Variants in CFAP299 observed in about 807,000 individuals in gnomAD.
CFAP299 encodes the protein cilia- and flagella-associated protein 299.
Under a neutral mutation model 27.0 loss-of-function variants are expected in CFAP299, and 21 were observed. The observed-to-expected ratio is 0.78, with a 90% CI of 0.55 to 1.12. The LOEUF is 1.12. Among genes scored for constraint, CFAP299 ranks in the 50% most tolerant of loss-of-function variants. The probability of loss-of-function intolerance (pLI) is 0.00; values close to 1 mark genes in which losing one functional copy is unlikely to be tolerated. For missense variants in CFAP299, 310 were observed against 276.6 expected (o/e 1.12, Z -0.86); for synonymous variants, 104 against 98.1 (o/e 1.06, Z -0.36).
At chr4:80,916,252 AAT>A (rs10696316) in intron 4 of CFAP299, among the ~76,000 whole-genome samples, 3,406 of 60,410 alleles carry the variant, frequency 0.056, 82 homozygotes, top group Non-Finnish European at 0.086. Flanking sequence ...ACTAGACTGA[AAT>A]ATATATATAT....
At chr4:80,513,371 A>G (rs891483702) in intron 2 of CFAP299, among the ~76,000 whole-genome samples, 1 of 152,186 alleles carries the variant, frequency 6.6e-6, no homozygotes, top group African/African-American at 2.4e-5. Context: ...GCTGTATAAC[A>G]CAGTCCTTCA....
At chr4:80,601,326 T>C (rs1737338796) in intron 3 of CFAP299, among the ~76,000 whole-genome samples, 1 of 152,164 alleles carries the variant, frequency 6.6e-6, no homozygotes, top group Non-Finnish European at 1.5e-5. Flanking sequence ...ACTTAGATAC[T>C]TCTTAAAATT....
chr4:80,684,455 C>G (rs1321645079), intron 3 of CFAP299, among the ~76,000 whole-genome samples: 1 of 151,970 alleles, frequency 6.6e-6, no homozygotes, highest in Non-Finnish European at 1.5e-5. Flanking sequence ...TTAGTAGAGA[C>G]GGGGTTTCAC....
chr4:80,326,624 G>T, the CFAP299 span, among the ~76,000 whole-genome samples: 1 of 152,134 alleles, frequency 6.6e-6, no homozygotes, highest in African/African-American at 2.4e-5. Flanking sequence ...CTGGCCTGTG[G>T]TTTCTTCTGA....
At chr4:80,908,629 G>C (rs1735305138) in intron 4 of CFAP299, among the ~76,000 whole-genome samples, 1 of 152,144 alleles carries the variant, frequency 6.6e-6, no homozygotes. Flanking sequence ...TTATATCTCA[G>C]ATCAAAATGT....
chr4:80,613,301 AC>A (rs1309723038), intron 3 of CFAP299, among the ~76,000 whole-genome samples: 1 of 152,104 alleles, frequency 6.6e-6, no homozygotes, highest in Non-Finnish European at 1.5e-5. Context: ...GAGCTTTGAC[AC>A]CTGAAGTTTT....
At chr4:80,724,030 ATAT>A (rs1283082773) in intron 3 of CFAP299, among the ~76,000 whole-genome samples, 1 of 152,098 alleles carries the variant, frequency 6.6e-6, no homozygotes, top group Non-Finnish European at 1.5e-5. Flanking sequence ...ATTCCAGAAA[ATAT>A]TATACTGTCC....
intron 2 of CFAP299, among the ~76,000 whole-genome samples, chr4:80,539,749 T>C (rs748606555): frequency 2.6e-5 from 4 of 152,054 alleles, no homozygotes; most frequent in Non-Finnish European, 5.9e-5. Flanking sequence ...AGTAGAAAAA[T>C]ATAGAATCTA....
intron 1 of CFAP299, among the ~76,000 whole-genome samples, chr4:80,347,057 T>C (rs555384092): frequency 6.6e-6 from 1 of 152,212 alleles, no homozygotes; most frequent in Non-Finnish European, 1.5e-5. Context: ...AGTTCACTCA[T>C]GATTTAGCTC....
At chr4:80,507,246 G>T (rs147010779) in intron 2 of CFAP299, among the ~76,000 whole-genome samples, 1 of 152,090 alleles carries the variant, frequency 6.6e-6, no homozygotes, top group African/African-American at 2.4e-5. Context: ...TGCCAGAGAT[G>T]CCTGAAGGCA....
At chr4:80,375,472 G>A (rs781014020) in intron 2 of CFAP299, among the ~76,000 whole-genome samples, 3 of 152,176 alleles carry the variant, frequency 2.0e-5, no homozygotes, top group African/African-American at 4.8e-5. Flanking sequence ...TTCCAGGGAT[G>A]TGTCTGGGGA....
intron 2 of CFAP299, among the ~76,000 whole-genome samples, chr4:80,455,373 A>G (rs978008671): frequency 6.6e-6 from 1 of 152,246 alleles, no homozygotes; most frequent in Non-Finnish European, 1.5e-5. Context: ...TTATAATTTT[A>G]GTCAAGGCAG....
chr4:80,681,563 C>A (rs953030474), intron 3 of CFAP299, among the ~76,000 whole-genome samples: 28 of 152,024 alleles, frequency 1.8e-4, no homozygotes, highest in African/African-American at 6.0e-4. Flanking sequence ...AATTAGCTAC[C>A]CACTTCTTTA....
At chr4:80,650,806 A>G (rs543711997) in intron 3 of CFAP299, among the ~76,000 whole-genome samples, 7 of 152,016 alleles carry the variant, frequency 4.6e-5, no homozygotes, top group Non-Finnish European at 1.0e-4. Context: ...TTTGCATCCT[A>G]AACTATGAGG....
intron 3 of CFAP299, among the ~76,000 whole-genome samples, chr4:80,811,469 G>A (rs1729149826): frequency 6.6e-6 from 1 of 152,168 alleles, no homozygotes; most frequent in South Asian, 2.1e-4. Context: ...ATTGGTGACT[G>A]TCTCATTGAG....
At chr4:80,694,004 A>G (rs527416770) in intron 3 of CFAP299, among the ~76,000 whole-genome samples, 1 of 152,288 alleles carries the variant, frequency 6.6e-6, no homozygotes, top group East Asian at 1.9e-4. Context: ...CCTATTGTTT[A>G]TATGCAAAGA....
chr4:80,842,216 C>T (rs1184397204), intron 3 of CFAP299, among the ~76,000 whole-genome samples: 3 of 152,252 alleles, frequency 2.0e-5, no homozygotes, highest in African/African-American at 7.2e-5. Context: ...AGTTCTAACT[C>T]TGACTTTTTA....
chr4:80,699,612 A>G (rs1012011280), intron 3 of CFAP299, among the ~76,000 whole-genome samples: 8 of 152,156 alleles, frequency 5.3e-5, no homozygotes, highest in Admixed American at 1.3e-4. Context: ...GAGATGGTCA[A>G]TGTGTTATAT....
At chr4:80,596,890 A>G (rs1737086472) in intron 3 of CFAP299, among the ~76,000 whole-genome samples, 1 of 152,096 alleles carries the variant, frequency 6.6e-6, no homozygotes, top group Admixed American at 6.5e-5. Flanking sequence ...AGAACCATCC[A>G]TGTTGTCGTG....
Sources: allele counts gnomAD v4.1 joint callset (sites outside exome capture counted in the v4.1 genomes callset), GRCh38; gene constraint gnomAD v4.1.1; transcripts MANE v1.5; gene names NCBI Gene and HGNC (gene_info 2026-07-23, HGNC 2026-07-21).